Variants in MEI1 observed in about 807,000 individuals in gnomAD.
MEI1 encodes meiotic double-stranded break formation protein 1.
In MEI1, 103 loss-of-function variants were observed where a neutral mutation model predicts 146.2. The observed-to-expected ratio is 0.70, with a 90% CI of 0.60 to 0.83. The LOEUF is 0.83. Among genes scored for constraint, MEI1 ranks in the 40% least tolerant of loss-of-function variants. The pLI, the probability that MEI1 is intolerant of heterozygous loss-of-function variation, is 0.00. For missense variants in MEI1, 1,529 were observed against 1,533.0 expected, an observed-to-expected ratio of 1.00 and a Z score of 0.04; for synonymous variants, 652 against 628.2, an observed-to-expected ratio of 1.04 and a Z score of -0.57.
In MEI1 at chr22:41,742,390, A is replaced by G. The variant is rs2072956232; in HGVS notation, c.1332-690A>G. Among the ~76,000 whole-genome samples, 3 of 152,304 alleles carry G rather than the reference A, an allele frequency of 2.0e-5. No individual in the cohort carries two copies. The South Asian group carries it at 6.2e-4, about 32-fold the overall frequency. ...CTGTCACTCTCTTGATGCACGTTCAATTCTAGGTAGTGCTTCTTTTACCAG... is the reference window on the plus strand; with the variant it reads ...CTGTCACTCTCTTGATGCACGTTCAGTTCTAGGTAGTGCTTCTTTTACCAG... On this transcript the variant is annotated intron_variant, in intron 11 of 30. Coordinates refer to ENST00000401548, the MANE Select transcript of MEI1 (RefSeq NM_152513.4).
At chr22:41,742,227 T>C (rs1363150624) in intron 11 of MEI1, among the ~76,000 whole-genome samples, 7 of 152,118 alleles carry the variant, frequency 4.6e-5, no homozygotes, top group Admixed American at 2.0e-4. Context: ...ACCACTGCAC[T>C]CCAGCCTGGG....
intron 11 of MEI1, among the ~76,000 whole-genome samples, chr22:41,736,699 C>G (rs895307224): frequency 1.3e-5 from 2 of 152,112 alleles, no homozygotes; most frequent in Non-Finnish European, 2.9e-5. Flanking sequence ...CTGGCTGCCT[C>G]TCTCTCATAA....
chr22:41,703,300 C>T (rs923598235), intron 1 of MEI1, 31 bp from the exon 2 acceptor site: 1 of 1,605,470 alleles, frequency 6.2e-7, no homozygotes, highest in Non-Finnish European at 8.5e-7. Flanking sequence ...AATTTGGTTG[C>T]TATTGAATGT....
rs952008555 is a variant in MEI1 at position 41,758,963 on chromosome 22, C to T, written c.2120+430C>T. ...TTCGAGACCAGCCTGGCCAACATGG[C>T]GAAACCCTGTCTCCACAAAACATAC... On this transcript the variant is annotated intron_variant, in intron 18 of 30. Transcript: ENST00000401548. Among the ~76,000 whole-genome samples, 10 of 150,428 alleles carry T rather than the reference C, an allele frequency of 6.6e-5. No homozygotes were observed. The South Asian group carries it at 1.1e-3, about 16-fold the overall frequency.
intron 11 of MEI1, among the ~76,000 whole-genome samples, chr22:41,741,249 A>G (rs1343845102): frequency 6.6e-6 from 1 of 152,112 alleles, no homozygotes; most frequent in African/African-American, 2.4e-5. Flanking sequence ...TCAATTTCAG[A>G]TTTCTAGCCT....
intron 15 of MEI1, among the ~76,000 whole-genome samples, chr22:41,751,289 G>T (rs1002267737): frequency 6.6e-6 from 1 of 152,174 alleles, no homozygotes; most frequent in African/African-American, 2.4e-5. Flanking sequence ...AGCTGCTTTA[G>T]CCCCAGGATA....
chr22:41,779,568 T>C (rs982464444), intron 22 of MEI1, among the ~76,000 whole-genome samples: 5 of 152,200 alleles, frequency 3.3e-5, no homozygotes, highest in African/African-American at 4.8e-5. Context: ...AGGTTCCTCA[T>C]AGGTAAAGTA....
chr22:41,743,372 G>C (rs750385869), intron 12 of MEI1, among the ~76,000 whole-genome samples, 178 bp downstream of exon 12: 1 of 152,090 alleles, frequency 6.6e-6, no homozygotes, highest in African/African-American at 2.4e-5. Flanking sequence ...GATTACTATT[G>C]TCATTTTTAC....
intron 19 of MEI1, among the ~76,000 whole-genome samples, chr22:41,767,332 A>G (rs1388816821): frequency 6.6e-6 from 1 of 152,144 alleles, no homozygotes; most frequent in African/African-American, 2.4e-5. Flanking sequence ...TTCTGTTGCT[A>G]ATGTTCTGGG....
rs1013045266 is a variant in MEI1, at chr22:41,765,883, CTT to C, written c.2268+2586_2268+2587del. 2.8e-3 allele frequency among the ~76,000 whole-genome samples: 241 copies of C among 86,086 alleles called. 2 individuals carry two copies. Among genetic ancestry groups the C allele is most frequent in the Middle Eastern group, 0.027 (3 of 110 alleles). 56.5% of individuals were successfully genotyped at this position (86,086 alleles called of 152,430 possible). On this transcript the variant is annotated intron_variant, in intron 19 of 30. Transcript: ENST00000401548. ...TCAAATTTCACTATACCAAAATGTT[CTT>C]TTTTTTTTTTTTTTTTTTTTTTTAG... is the stretch of plus-strand genomic sequence containing the variant.
rs113484758 is a variant in MEI1 at position 41,793,806 on chromosome 22, AT to A, written c.3346-7del. The A allele has an allele frequency of 0.077, 103,956 of 1,342,650 alleles. No individual in the cohort carries two copies. The highest frequency in any genetic ancestry group is 0.082 in the East Asian group (3,132 of 38,096). 83.2% of individuals were successfully genotyped at this position (1,342,650 alleles called of 1,614,324 possible). Reference sequence around the variant, plus strand: ...GCCATTGGTAGCAAAACCTGACCTGATTTTTTTTTTTTTTTTCTGCAGAAGG... The same window carrying A: ...GCCATTGGTAGCAAAACCTGACCTGATTTTTTTTTTTTTTTCTGCAGAAGG... On this transcript the variant is annotated intron_variant, in intron 26 of 30. Transcript: ENST00000401548.
At chr22:41,776,074 A>C in intron 20 of MEI1, 28 bp from the exon 21 acceptor site, 1 of 1,610,120 alleles carries the variant, frequency 6.2e-7, no homozygotes, top group Non-Finnish European at 8.5e-7. Context: ...GTACCCTCTG[A>C]TCTCTGGCTT....
intron 3 of MEI1, among the ~76,000 whole-genome samples, chr22:41,712,769 T>G (rs1229130121): frequency 7.3e-5 from 11 of 150,948 alleles, no homozygotes; most frequent in Admixed American, 7.3e-4. Flanking sequence ...AGACATTCAA[T>G]TGGTCTGGGG....
chr22:41,793,571 G>C (rs922303278), intron 26 of MEI1, among the ~76,000 whole-genome samples: 1 of 152,236 alleles, frequency 6.6e-6, no homozygotes. Flanking sequence ...CAAAGTGCTG[G>C]GATTACAGGC....
chr22:41,794,351 C>T lies in MEI1; in HGVS notation c.3428-20C>T. On this transcript the variant is annotated intron_variant, in intron 27 of 30. Transcript: ENST00000401548. ...CAAGGCAAGGTCTTGGAAGCATTAA[C>T]AACCCAGTGTTTCTTGAAGCTCTCC... The T allele has an allele frequency of 6.2e-7, 1 of 1,604,918 alleles. No individual in the cohort carries two copies. Among genetic ancestry groups the T allele is most frequent in the East Asian group, 2.2e-5 (1 of 44,852 alleles).
intron 16 of MEI1, 112 bp from the exon 17 acceptor site, chr22:41,753,837 T>G: frequency 1.3e-6 from 1 of 784,642 alleles, no homozygotes; most frequent in Non-Finnish European, 2.2e-6. Context: ...TGGCTAGAAT[T>G]TCACTAGCCT....
At chr22:41,703,210 C>A in intron 1 of MEI1, 121 bp from the exon 2 acceptor site, 1 of 1,072,868 alleles carries the variant, frequency 9.3e-7, no homozygotes, top group Non-Finnish European at 1.4e-6. Flanking sequence ...GAGTATGGAT[C>A]TCACCGTAGT....
chr22:41,699,668 T>A lies in MEI1; in HGVS notation c.130T>A (p.Cys44Ser). 6.3e-7 allele frequency: 1 copy of A among 1,594,118 alleles called. No homozygotes were observed. The highest frequency in any genetic ancestry group is 8.5e-7 in the Non-Finnish European group (1 of 1,171,014). ...RWLLPVTPRL[C>S]LACALELLPD... ...GCTGCTGCCCGTGACCCCCCGCCTG[T>A]GCCTGGCCTGCGCGCTGGAGCTGCT... The change falls in exon 1 of 31, where the codon TGC becomes AGC. Residue 44 changes from cysteine (C) to serine (S), a missense_variant. Cys to Ser is a moderately radical substitution (Grantham distance 112). Coordinates refer to ENST00000401548, the MANE Select transcript of MEI1 (RefSeq NM_152513.4).
At chr22:41,717,621 T>TTC (rs933594978) in intron 5 of MEI1, among the ~76,000 whole-genome samples, 2 of 149,476 alleles carry the variant, frequency 1.3e-5, no homozygotes, top group African/African-American at 4.9e-5. Flanking sequence ...TTCTTTTCTT[T>TTC]TTTTTTTTTT....
Sources: gnomAD v4.1 joint callset for allele counts (sites outside exome capture counted in the v4.1 genomes callset) on GRCh38, gnomAD v4.1.1 for gene constraint, MANE v1.5 for transcripts, NCBI Gene and HGNC (gene_info 2026-07-23, HGNC 2026-07-21) for gene names.